CYP20A1: variants seen among roughly 807,000 people sequenced by gnomAD.
CYP20A1 encodes cytochrome P450 family 20 subfamily A member 1.
Under a neutral mutation model 61.4 loss-of-function variants are expected in CYP20A1, and 61 were observed. The observed-to-expected ratio is 0.99, with a 90% CI of 0.81 to 1.23. CYP20A1 has a LOEUF of 1.23. CYP20A1 is among the 50% of genes most tolerant of loss of function. The probability of loss-of-function intolerance (pLI) is 0.00; values close to 1 mark genes in which losing one functional copy is unlikely to be tolerated. For synonymous variants in CYP20A1, 193 were observed against 188.2 expected, an observed-to-expected ratio of 1.03 and a Z score of -0.21; for missense variants, 530 against 542.4, an observed-to-expected ratio of 0.98 and a Z score of 0.23.
chr2:203,272,839 C>T (rs927879352), intron 6 of CYP20A1, 91 bp downstream of exon 6: 1 of 624,182 alleles, frequency 1.6e-6, no homozygotes, highest in Non-Finnish European at 2.6e-6. Flanking sequence ...GATTAAAGGT[C>T]ATTTATATTT....
chr2:203,266,818 TA>T, intron 5 of CYP20A1, 137 bp downstream of exon 5: 1 of 692,084 alleles, frequency 1.4e-6, no homozygotes, highest in Non-Finnish European at 2.4e-6. Context: ...GTGTCTCTAC[TA>T]AAAATACAAA....
intron 7 of CYP20A1, among the ~76,000 whole-genome samples, chr2:203,279,121 C>T (rs147109898): frequency 0.024 from 3,726 of 152,182 alleles, 167 homozygotes; most frequent in African/African-American, 0.085. Flanking sequence ...CGCACCACCA[C>T]GCCCAGATAA....
intron 9 of CYP20A1, among the ~76,000 whole-genome samples, chr2:203,286,918 A>G (rs1559105881): frequency 6.6e-6 from 1 of 152,024 alleles, no homozygotes; most frequent in Admixed American, 6.6e-5. Context: ...AAAATCAACT[A>G]TAGAAAAGAT....
At chr2:203,268,734 T>C (rs2067437500) in intron 5 of CYP20A1, among the ~76,000 whole-genome samples, 1 of 152,094 alleles carries the variant, frequency 6.6e-6, no homozygotes, top group South Asian at 2.1e-4. Context: ...TGTGTAGTGG[T>C]GAAGTCAGGG....
At chr2:203,286,855 C>T (rs1438353934) in intron 9 of CYP20A1, among the ~76,000 whole-genome samples, 3 of 151,848 alleles carry the variant, frequency 2.0e-5, no homozygotes, top group African/African-American at 7.3e-5. Context: ...ACTGTGATTG[C>T]TTCTGGGTTA....
intron 8 of CYP20A1, among the ~76,000 whole-genome samples, chr2:203,283,273 G>A (rs375849462): frequency 7.4e-6 from 1 of 134,442 alleles, no homozygotes; most frequent in African/African-American, 2.8e-5. Flanking sequence ...CTGGAGTGCA[G>A]TGGTGCAATC....
At position 203,239,086 on chromosome 2, in the gene CYP20A1, C is replaced by T. The variant is rs906132016; in HGVS notation, c.24C>T (p.Ala8=). 1 of 1,613,756 alleles carries T rather than the reference C, an allele frequency of 6.2e-7. No individual in the cohort carries two copies. Among genetic ancestry groups the T allele is most frequent in the Non-Finnish European group, 8.5e-7 (1 of 1,179,848 alleles). The change falls in exon 1 of 13, where the codon GCC becomes GCT. Residue 8 remains alanine, a synonymous_variant. Transcript: ENST00000356079. The part of the protein sequence containing the change: MLDFAIF[A]VTFLLALVGA... ...CCATGTTGGACTTCGCGATCTTCGC[C>T]GTTACCTTCTTGCTGGCGTTGGTGG... is the stretch of plus-strand genomic sequence containing the variant.
At chr2:203,289,951 TA>T (rs2152108746) in intron 10 of CYP20A1, 75 bp downstream of exon 10, 193 of 610,838 alleles carry the variant, frequency 3.2e-4, no homozygotes, top group Non-Finnish European at 4.2e-4. Context: ...TATATATATA[TA>T]TATTTTAGAC....
At chr2:203,239,960 G>A (rs1269088924) in intron 1 of CYP20A1, among the ~76,000 whole-genome samples, 3 of 152,188 alleles carry the variant, frequency 2.0e-5, no homozygotes, top group African/African-American at 7.2e-5. Context: ...GCTGGCTGTG[G>A]TGGCGGGCGC....
chr2:203,275,230 C>T (rs2067766180), intron 6 of CYP20A1, among the ~76,000 whole-genome samples: 1 of 152,164 alleles, frequency 6.6e-6, no homozygotes, highest in Non-Finnish European at 1.5e-5. Context: ...GAATGTACAA[C>T]AGTAGTTCCC....
chr2:203,253,042 T>C (rs2066753332), intron 4 of CYP20A1, among the ~76,000 whole-genome samples: 1 of 152,042 alleles, frequency 6.6e-6, no homozygotes, highest in Non-Finnish European at 1.5e-5. Context: ...GTAACTGTCT[T>C]AGCGAGCCAC....
intron 11 of CYP20A1, among the ~76,000 whole-genome samples, chr2:203,295,337 A>G (rs2068745205): frequency 6.6e-6 from 1 of 152,062 alleles, no homozygotes; most frequent in Non-Finnish European, 1.5e-5. Flanking sequence ...GGCGTCACAA[A>G]GTGCTAGGAT....
At chr2:203,255,657 T>C in intron 4 of CYP20A1, among the ~76,000 whole-genome samples, 1 of 152,218 alleles carries the variant, frequency 6.6e-6, no homozygotes, top group Non-Finnish European at 1.5e-5. Flanking sequence ...TGGGACAAAC[T>C]CCAAATTTTT....
chr2:203,271,252 T>G (rs2067587138), intron 5 of CYP20A1, among the ~76,000 whole-genome samples: 1 of 150,532 alleles, frequency 6.6e-6, no homozygotes, highest in African/African-American at 2.4e-5. Flanking sequence ...CACGCCCGGC[T>G]AATTTTTTTG....
At position 203,303,681 on chromosome 2, in the gene CYP20A1, G is replaced by A. The variant is rs1329019426; in HGVS notation, c.*6773G>A. 1.3e-5 allele frequency among the ~76,000 whole-genome samples: 2 copies of A among 151,524 alleles called. No homozygotes were observed. The highest frequency in any genetic ancestry group is 2.1e-4 in the South Asian group (1 of 4,784). On this transcript the variant is annotated 3_prime_UTR_variant, in exon 13 of 13. Coordinates refer to ENST00000356079, the MANE Select transcript of CYP20A1 (RefSeq NM_177538.3). ...TTGCACTCCAGTGTGGGTGACGAGC[G>A]AAAATCCGTCTCAACCAAGAAAAAA...
intron 11 of CYP20A1, 46 bp from the exon 12 acceptor site, chr2:203,296,428 A>T: frequency 1.7e-6 from 2 of 1,168,814 alleles, no homozygotes; most frequent in Middle Eastern, 1.9e-4. Flanking sequence ...AACATGTAAG[A>T]TGCCAGTGGA....
chr2:203,280,894 A>C (rs2068017445), intron 8 of CYP20A1, among the ~76,000 whole-genome samples: 2 of 152,170 alleles, frequency 1.3e-5, no homozygotes, highest in Admixed American at 1.3e-4. Context: ...AGTGCCTTTA[A>C]AATGAACTGC....
At chr2:203,271,892 G>C (rs1242733185) in intron 5 of CYP20A1, among the ~76,000 whole-genome samples, 5 of 152,138 alleles carry the variant, frequency 3.3e-5, no homozygotes, top group South Asian at 2.1e-4. Context: ...TGGGCATGGT[G>C]GTGGGCACCT....
intron 6 of CYP20A1, among the ~76,000 whole-genome samples, chr2:203,273,097 G>A (rs1190728741): frequency 6.6e-6 from 1 of 151,982 alleles, no homozygotes; most frequent in Non-Finnish European, 1.5e-5. Flanking sequence ...TGCCTGCCTC[G>A]GCCTCCCAAA....
Sources: allele counts gnomAD v4.1 joint callset (sites outside exome capture counted in the v4.1 genomes callset), GRCh38; gene constraint gnomAD v4.1.1; transcripts MANE v1.5; gene names NCBI Gene and HGNC (gene_info 2026-07-23, HGNC 2026-07-21).